TTC3: variants seen among roughly 807,000 people sequenced by gnomAD.
TTC3 encodes the protein tetratricopeptide repeat domain 3.
A neutral mutation model predicts 249.6 loss-of-function variants in TTC3; 180 were observed. That is an observed-to-expected ratio of 0.72 (90% CI 0.64 to 0.82). TTC3 has a LOEUF of 0.82. Ranked by LOEUF, TTC3 falls within the 40% of genes least tolerant of loss-of-function variation. TTC3 has a pLI of 0.00. For missense variants in TTC3, 2,061 were observed against 2,398.4 expected (o/e 0.86, Z 2.94); for synonymous variants, 717 against 805.0 (o/e 0.89, Z 1.85).
In TTC3 at chr21:37,157,196, A is replaced by G. The variant is rs1357696949; in HGVS notation, c.2992+290A>G. On this transcript the variant is annotated intron_variant, in intron 28 of 45. Coordinates refer to ENST00000355666, the Ensembl canonical transcript of TTC3. The stretch of plus-strand genomic sequence containing the variant: ...AGCATCATGGGAAAGATTGCATGTT[A>G]CACTGACAGAATCTATTAGTAAGTG... The G allele has an allele frequency of 3.7e-6, 5 of 1,348,646 alleles. 1 individual carries two copies. The South Asian group carries it at 6.1e-5, about 17-fold the overall frequency. 83.5% of individuals were successfully genotyped at this position (1,348,646 alleles called of 1,614,324 possible). A position where few individuals can be genotyped will look rare whatever the true frequency, so the allele number is the denominator to read the frequency against.
chr21:37,175,099 CAA>C (rs11375399), intron 35 of TTC3, among the ~76,000 whole-genome samples: 3 of 130,046 alleles, frequency 2.3e-5, no homozygotes, highest in Non-Finnish European at 1.6e-5. Context: ...ACTAAAAATA[CAA>C]AAAAAAAAAA....
chr21:37,082,499 A>G, intron 1 of TTC3: 1 of 985,398 alleles, frequency 1.0e-6, no homozygotes, highest in Non-Finnish European at 1.2e-6. Flanking sequence ...TCTGGGAGCC[A>G]GAAAGTTTAG....
intron 35 of TTC3, among the ~76,000 whole-genome samples, chr21:37,181,093 C>T (rs757298823): frequency 1.2e-4 from 19 of 152,290 alleles, no homozygotes; most frequent in Non-Finnish European, 2.2e-4. Flanking sequence ...GAAACAAGCT[C>T]GTGATAGCTG....
At chr21:37,189,396 C>T (rs1964297676) in intron 39 of TTC3, among the ~76,000 whole-genome samples, 1 of 151,984 alleles carries the variant, frequency 6.6e-6, no homozygotes, top group South Asian at 2.1e-4. Flanking sequence ...CAGGCGCGTG[C>T]CACATGCCCA....
At chr21:37,187,024 T>G in intron 37 of TTC3, 25 bp from the exon 38 acceptor site, 1 of 1,479,180 alleles carries the variant, frequency 6.8e-7, no homozygotes, top group Non-Finnish European at 9.0e-7. Flanking sequence ...TCAAGAAAGT[T>G]TTTTTTTTCC....
intron 41 of TTC3, among the ~76,000 whole-genome samples, chr21:37,192,523 G>GTGTGTGTGTA: frequency 6.6e-6 from 1 of 150,962 alleles, no homozygotes; most frequent in East Asian, 1.9e-4. Context: ...GTGTGTGTGT[G>GTGTGTGTGTA]TTGTATATGT....
At chr21:37,199,673 A>T (rs188447506) in intron 44 of TTC3, among the ~76,000 whole-genome samples, 23 of 152,346 alleles carry the variant, frequency 1.5e-4, no homozygotes, top group African/African-American at 5.3e-4. Context: ...CCCTGAGGCA[A>T]CCACTGTTAA....
At chr21:37,151,644 C>T (rs1300655704) in intron 25 of TTC3, among the ~76,000 whole-genome samples, 2 of 152,140 alleles carry the variant, frequency 1.3e-5, no homozygotes, top group East Asian at 3.8e-4. Flanking sequence ...AACTTAGATA[C>T]ATGAAAGTGA....
intron 16 of TTC3, among the ~76,000 whole-genome samples, chr21:37,130,844 G>A: frequency 6.6e-6 from 1 of 151,656 alleles, no homozygotes; most frequent in East Asian, 1.9e-4. Flanking sequence ...AAACATCCTT[G>A]CACATACACC....
At chr21:37,164,257 G>C in intron 32 of TTC3, 42 bp downstream of exon 32, 2 of 1,467,674 alleles carry the variant, frequency 1.4e-6, no homozygotes, top group Non-Finnish European at 1.8e-6. Flanking sequence ...TTTATACTAA[G>C]GCTGCCAATT....
At chr21:37,150,027 TC>T (rs1480762802) in intron 23 of TTC3, 50 bp from the exon 24 acceptor site, 2 of 1,318,072 alleles carry the variant, frequency 1.5e-6, no homozygotes, top group African/African-American at 1.5e-5. Context: ...TATAGATTTA[TC>T]CCCCCTAGAC....
chr21:37,169,057 C>T lies in TTC3; in HGVS notation c.4467+1437C>T, dbSNP rs890188001. 3.1e-5 allele frequency among the ~76,000 whole-genome samples: 4 copies of T among 127,558 alleles called. No individual in the cohort carries two copies. In the East Asian group the frequency reaches 9.5e-4, roughly 30 times the overall value. The allele number at this position is 127,558 out of a possible 152,430, so 83.7% of individuals were successfully genotyped here. A position where few individuals can be genotyped will look rare whatever the true frequency, so the allele number is the denominator to read the frequency against. ...GTGATACCAGGCAGAAGCGGCAGTGCTTTAGGAAGTCACAAATTATCACTT... is the reference window on the plus strand; with the variant it reads ...GTGATACCAGGCAGAAGCGGCAGTGTTTTAGGAAGTCACAAATTATCACTT... On this transcript the variant is annotated intron_variant, in intron 34 of 45. Coordinates refer to ENST00000355666, the Ensembl canonical transcript of TTC3.
chr21:37,124,849 T>G, intron 14 of TTC3, 107 bp downstream of exon 14: 1 of 1,068,140 alleles, frequency 9.4e-7, no homozygotes, highest in Non-Finnish European at 1.3e-6. Flanking sequence ...ATTTGAACCC[T>G]TTTTGCCTAT....
intron 19 of TTC3, among the ~76,000 whole-genome samples, chr21:37,139,456 T>C (rs2078238355): frequency 6.6e-6 from 1 of 152,306 alleles, no homozygotes; most frequent in East Asian, 1.9e-4. Context: ...TGAAATGCTC[T>C]AGAATTACCT....
chr21:37,088,055 T>C, intron 3 of TTC3, 141 bp from the exon 4 acceptor site: 2 of 983,878 alleles, frequency 2.0e-6, no homozygotes, highest in South Asian at 3.8e-5. Flanking sequence ...ACTTAAATAT[T>C]CTTAACATTT....
chr21:37,089,487 T>TA (rs1185135552), intron 5 of TTC3, among the ~76,000 whole-genome samples: 1 of 152,044 alleles, frequency 6.6e-6, no homozygotes, highest in Non-Finnish European at 1.5e-5. Flanking sequence ...TGTACCTTTA[T>TA]AAAAAAAATT....
exon 42 of TTC3, chr21:37,195,760 C>T (rs1197022721): frequency 2.5e-6 from 4 of 1,614,102 alleles, no homozygotes; most frequent in Non-Finnish European, 3.4e-6. Flanking sequence ...GGAAACCACG[C>T]AGCACTTCAC....
intron 38 of TTC3, 49 bp from the exon 39 acceptor site, chr21:37,188,446 T>G: frequency 6.9e-7 from 1 of 1,443,048 alleles, no homozygotes; most frequent in Non-Finnish European, 9.7e-7. Flanking sequence ...TAAAATAGTT[T>G]CAGGCTGTCA....
intron 31 of TTC3, among the ~76,000 whole-genome samples, chr21:37,162,633 T>G (rs1465231262): frequency 1.4e-5 from 2 of 145,628 alleles, no homozygotes; most frequent in African/African-American, 5.1e-5. Flanking sequence ...TTTTTCTCAT[T>G]TCTTAAAGGA....
Sources: gnomAD v4.1 joint callset for allele counts (sites outside exome capture counted in the v4.1 genomes callset) on GRCh38, gnomAD v4.1.1 for gene constraint, MANE v1.5 for transcripts, NCBI Gene and HGNC (gene_info 2026-07-23, HGNC 2026-07-21) for gene names.